The following ANXA8 variants were observed in gnomAD, a reference collection of about 807,000 sequenced individuals.
The protein encoded by ANXA8 is VAC-beta.
A neutral mutation model predicts 26.8 loss-of-function variants in ANXA8; 9 were observed. The observed-to-expected ratio is 0.34, with a 90% CI of 0.20 to 0.59. The LOEUF (loss-of-function observed/expected upper bound fraction) is 0.59. Among genes scored for constraint, ANXA8 ranks in the 20% least tolerant of loss-of-function variants. The probability of loss-of-function intolerance (pLI) is 0.84; values close to 1 mark genes in which losing one functional copy is unlikely to be tolerated. For missense variants in ANXA8, 83 were observed against 238.5 expected (o/e 0.35, Z 4.29); for synonymous variants, 39 against 94.8 (o/e 0.41, Z 3.42).
At chr10:47,689,467 C>T in the ANXA8 span, among the ~76,000 whole-genome samples, 8 of 152,006 alleles carry the variant, frequency 5.3e-5, no homozygotes, top group South Asian at 4.2e-4. Flanking sequence ...TGAGCCACTG[C>T]GCCCGGCCTA....
At chr10:47,695,641 C>G in the ANXA8 span, among the ~76,000 whole-genome samples, 1 of 151,612 alleles carries the variant, frequency 6.6e-6, no homozygotes, top group Non-Finnish European at 1.5e-5. Context: ...ATTTATACAT[C>G]CTTGGTTTTC....
the ANXA8 span, among the ~76,000 whole-genome samples, chr10:47,682,090 T>C: frequency 2.0e-5 from 3 of 150,422 alleles, no homozygotes; most frequent in East Asian, 5.8e-4. Context: ...CTGTCTTACC[T>C]CATTTGAGTC....
chr10:47,940,723 G>A, the ANXA8 span, among the ~76,000 whole-genome samples: 1 of 146,498 alleles, frequency 6.8e-6, no homozygotes, highest in Non-Finnish European at 1.5e-5. Context: ...CAGCTACTCG[G>A]GAAGCTGAGG....
At chr10:47,483,091 A>C (rs1439163899) in intron 1 of ANXA8, among the ~76,000 whole-genome samples, 2 of 151,422 alleles carry the variant, frequency 1.3e-5, no homozygotes, top group Admixed American at 6.6e-5. Flanking sequence ...TCAACTCCTT[A>C]GCACAGCGAT....
At chr10:47,520,795 A>T in the ANXA8 span, among the ~76,000 whole-genome samples, 1 of 100,598 alleles carries the variant, frequency 9.9e-6, no homozygotes, top group East Asian at 5.1e-4. Context: ...CAGGTCAGGA[A>T]GTTGAGGCCA....
At chr10:47,500,954 T>C in the ANXA8 span, among the ~76,000 whole-genome samples, 1 of 111,430 alleles carries the variant, frequency 9.0e-6, no homozygotes, top group Non-Finnish European at 1.8e-5. Context: ...AGTGCAGTGG[T>C]GCAATCTCAG....
the ANXA8 span, among the ~76,000 whole-genome samples, chr10:47,988,991 TTG>T: frequency 6.6e-6 from 1 of 151,376 alleles, no homozygotes; most frequent in African/African-American, 2.4e-5. Flanking sequence ...TTCAAGCCCC[TTG>T]TGTGTGCCAG....
chr10:47,581,716 C>T, the ANXA8 span: 8 of 253,000 alleles, frequency 3.2e-5, no homozygotes, highest in South Asian at 1.3e-4. Context: ...ATGCCATTCT[C>T]CTGCCCCAGT....
chr10:47,699,025 A>G, the ANXA8 span, among the ~76,000 whole-genome samples: 4 of 151,686 alleles, frequency 2.6e-5, no homozygotes, highest in Non-Finnish European at 5.9e-5. Context: ...ATCTTATACT[A>G]GAATTATCAG....
chr10:47,477,436 T>C, intron 3 of ANXA8, among the ~76,000 whole-genome samples: 1 of 142,884 alleles, frequency 7.0e-6, no homozygotes. Context: ...GTGACTCAAT[T>C]CAGCATTCAG....
chr10:47,658,239 G>A, the ANXA8 span, among the ~76,000 whole-genome samples: 7 of 151,598 alleles, frequency 4.6e-5, no homozygotes, highest in South Asian at 4.1e-4. Context: ...ATGGTGGCAC[G>A]CACCTGTAGT....
chr10:47,932,137 G>A, the ANXA8 span, among the ~76,000 whole-genome samples: 1 of 145,750 alleles, frequency 6.9e-6, no homozygotes, highest in South Asian at 2.2e-4. Context: ...TGAGGGACAG[G>A]CACCCAACAG....
the ANXA8 span, among the ~76,000 whole-genome samples, chr10:47,528,415 G>A: frequency 1.9e-3 from 245 of 128,670 alleles, 5 homozygotes; most frequent in African/African-American, 6.7e-3. Context: ...GTGGGAAAAA[G>A]GATATTATGT....
chr10:47,765,767 T>C, the ANXA8 span, among the ~76,000 whole-genome samples: 1 of 149,534 alleles, frequency 6.7e-6, no homozygotes, highest in African/African-American at 2.5e-5. Flanking sequence ...CCACTCCCCT[T>C]CCCAGCTGTT....
At chr10:47,584,212 C>T in the ANXA8 span, among the ~76,000 whole-genome samples, 1 of 149,540 alleles carries the variant, frequency 6.7e-6, no homozygotes, top group Non-Finnish European at 1.5e-5. Flanking sequence ...AACGCACCCT[C>T]AAAACACATG....
rs1251046391 is a variant in ANXA8 at position 47,474,951 on chromosome 10, G to A, written c.546C>T (p.Asp182=). The change falls in exon 7 of 12, where the codon GAC becomes GAT. Residue 182 remains aspartate (D), a synonymous_variant. Transcript: ENST00000585281. ...SFVDPGLALQ[D]AQDLYAAGEK... ...CGGCTGGGCGCAGCCTCACCTGTGC[G>A]TCTTGGAGGGCCAGTCCTGGGTCCA... The A allele has an allele frequency of 1.6e-4, 242 of 1,531,948 alleles. 32 individuals are homozygous for A. The highest frequency in any genetic ancestry group is 1.2e-3 in the Admixed American group (66 of 55,686). 94.9% of individuals were successfully genotyped at this position (1,531,948 alleles called of 1,614,324 possible).
At chr10:47,593,417 G>T in the ANXA8 span, among the ~76,000 whole-genome samples, 1 of 149,826 alleles carries the variant, frequency 6.7e-6, no homozygotes, top group Non-Finnish European at 1.5e-5. Flanking sequence ...TGTTGCAGAT[G>T]CAACAATAGC....
At chr10:47,763,694 T>C in the ANXA8 span, 6 of 158,754 alleles carry the variant, frequency 3.8e-5, no homozygotes, top group Non-Finnish European at 7.9e-5. Flanking sequence ...CGGCGCGCCC[T>C]GGTCGCGCCC....
At chr10:47,939,025 C>A in the ANXA8 span, among the ~76,000 whole-genome samples, 344 of 144,822 alleles carry the variant, frequency 2.4e-3, 43 homozygotes, top group East Asian at 0.065. Flanking sequence ...CCAAGCCCCA[C>A]AAGAGTGTTC....
Sources: allele counts gnomAD v4.1 joint callset (sites outside exome capture counted in the v4.1 genomes callset), GRCh38; gene constraint gnomAD v4.1.1; transcripts MANE v1.5; gene names NCBI Gene and HGNC (gene_info 2026-07-23, HGNC 2026-07-21).